PRKN: variants seen among roughly 807,000 people sequenced by gnomAD.
The protein encoded by PRKN is E3 ubiquitin-protein ligase parkin.
In PRKN, 56 loss-of-function variants were observed where a neutral mutation model predicts 59.5. The observed-to-expected ratio is 0.94, with a 90% CI of 0.76 to 1.18. The LOEUF is 1.18. Among genes scored for constraint, PRKN ranks in the 50% most tolerant of loss-of-function variants. The probability of loss-of-function intolerance (pLI) is 0.00; values close to 1 mark genes in which losing one functional copy is unlikely to be tolerated. For missense variants in PRKN, 657 were observed against 596.4 expected (o/e 1.10, Z -1.06); for synonymous variants, 250 against 222.1 (o/e 1.13, Z -1.12).
intron 6 of PRKN, among the ~76,000 whole-genome samples, chr6:161,825,217 C>T (rs1010628651): frequency 2.0e-5 from 3 of 152,166 alleles, no homozygotes; most frequent in Non-Finnish European, 4.4e-5. Flanking sequence ...AAGGGAATAT[C>T]ACACAGCAAG....
intron 1 of PRKN, chr6:162,568,604 C>T: frequency 1.1e-6 from 1 of 884,644 alleles, no homozygotes; most frequent in African/African-American, 1.7e-5. Context: ...TCAGGACCCT[C>T]AACAACAAGT....
At chr6:162,450,938 A>C (rs1474092096) in intron 1 of PRKN, among the ~76,000 whole-genome samples, 1 of 152,222 alleles carries the variant, frequency 6.6e-6, no homozygotes, top group Non-Finnish European at 1.5e-5. Flanking sequence ...GAAGTTTAAA[A>C]TAGGGAAACT....
intron 6 of PRKN, among the ~76,000 whole-genome samples, chr6:161,876,745 T>C (rs916722643): frequency 4.4e-4 from 67 of 152,308 alleles, no homozygotes; most frequent in African/African-American, 1.5e-3. Context: ...TTATTTTTTC[T>C]ATTCTCCTAT....
In PRKN at chr6:162,454,937, A is replaced by C. The variant is rs555616733; in HGVS notation, c.8-11464T>G. ...CTTTCAGAGTAAGGTAAAGGTTGGC[A>C]TTAGGAACGATGATGTATTTTTTAG... On this transcript the variant is annotated intron_variant, in intron 1 of 11. Transcript: ENST00000366898. Among the ~76,000 whole-genome samples the C allele has an allele frequency of 1.1e-3, 162 of 152,286 alleles. 1 individual carries two copies. Among genetic ancestry groups the C allele is most frequent in the Non-Finnish European group, 1.9e-3 (127 of 68,028 alleles).
intron 1 of PRKN, among the ~76,000 whole-genome samples, chr6:162,601,516 C>G (rs866743947): frequency 5.9e-5 from 9 of 152,086 alleles, no homozygotes; most frequent in Admixed American, 6.6e-5. Context: ...CAAGTACTTC[C>G]GTGGACATAT....
chr6:161,593,122 A>T lies in PRKN; in HGVS notation c.872-23706T>A, dbSNP rs1237755805. 6.6e-6 allele frequency among the ~76,000 whole-genome samples: 1 copy of T among 152,208 alleles called. No individual in the cohort carries two copies. The highest frequency in any genetic ancestry group is 1.9e-4 in the East Asian group (1 of 5,194). On this transcript the variant is annotated intron_variant, in intron 7 of 11. Transcript: ENST00000366898. This position sits in a 1 kb window ranked among gnomAD's most constrained non-coding sequence, Gnocchi z 4.8. Reference sequence around the variant, plus strand: ...CCAGGCCATCTTCCCATAATCCTCTATATTTAAAAGGTGATCTGTCCCCTT... The same window carrying T: ...CCAGGCCATCTTCCCATAATCCTCTTTATTTAAAAGGTGATCTGTCCCCTT...
At chr6:162,641,600 T>G (rs1777960920) in intron 1 of PRKN, among the ~76,000 whole-genome samples, 1 of 152,184 alleles carries the variant, frequency 6.6e-6, no homozygotes, top group South Asian at 2.1e-4. Context: ...GTTTTGTTTT[T>G]GTAAATAATC....
chr6:162,041,785 G>T (rs1784077989), intron 5 of PRKN, among the ~76,000 whole-genome samples: 1 of 152,152 alleles, frequency 6.6e-6, no homozygotes, highest in Admixed American at 6.5e-5. Flanking sequence ...TGTAACAATT[G>T]TGACTTTGTA....
At chr6:162,438,578 C>A (rs779239689) in intron 2 of PRKN, among the ~76,000 whole-genome samples, 3 of 152,060 alleles carry the variant, frequency 2.0e-5, no homozygotes, top group Non-Finnish European at 2.9e-5. Flanking sequence ...GTTGGCAGTT[C>A]TTTTCTTTCA....
chr6:162,646,902 C>T (rs1778206862), intron 1 of PRKN, among the ~76,000 whole-genome samples: 1 of 152,170 alleles, frequency 6.6e-6, no homozygotes, highest in African/African-American at 2.4e-5. Flanking sequence ...CACAGGACCA[C>T]TGTCACATAT....
At chr6:162,263,881 C>T (rs1251762668) in intron 2 of PRKN, among the ~76,000 whole-genome samples, 2 of 150,354 alleles carry the variant, frequency 1.3e-5, no homozygotes, top group Admixed American at 1.3e-4. Flanking sequence ...TTGAACGCCA[C>T]CCCCACCCCC....
At chr6:161,787,671 G>T (rs983103073) in intron 6 of PRKN, among the ~76,000 whole-genome samples, 1 of 152,224 alleles carries the variant, frequency 6.6e-6, no homozygotes. Flanking sequence ...TAGAGGCCAG[G>T]CGTGGTGGCT....
intron 9 of PRKN, among the ~76,000 whole-genome samples, chr6:161,436,543 G>C (rs1426577921): frequency 6.6e-6 from 1 of 151,900 alleles, no homozygotes; most frequent in African/African-American, 2.4e-5. Context: ...TTAATGATTT[G>C]TAATGTCCTG....
rs1010379697 is a variant in PRKN, at chr6:161,423,252, T to G, written c.1084-36375A>C. Among the ~76,000 whole-genome samples, 8 of 152,134 alleles carry G rather than the reference T, an allele frequency of 5.3e-5. No individual in the cohort carries two copies. Among genetic ancestry groups the G allele is most frequent in the Admixed American group, 2.6e-4 (4 of 15,272 alleles). ...TGAATAGGGAGGCACTCACGTTAAT[T>G]TTTCTCAACTAGTATCTGAAGGGTT... is the stretch of plus-strand genomic sequence containing the variant. On this transcript the variant is annotated intron_variant, in intron 9 of 11. Coordinates refer to ENST00000366898, the MANE Select transcript of PRKN (RefSeq NM_004562.3). The surrounding 1 kb of genome is among the most constrained non-coding windows in gnomAD (Gnocchi z 5.9).
chr6:162,199,300 A>C (rs2128329572), intron 4 of PRKN, among the ~76,000 whole-genome samples: 1 of 152,306 alleles, frequency 6.6e-6, no homozygotes, highest in South Asian at 2.1e-4. Flanking sequence ...CACACTCATA[A>C]GTTCCTCTTT....
Position 161,985,949 on chromosome 6 carries a change from T to C in PRKN, c.619-12532A>G, listed in dbSNP as rs563846226. Among the ~76,000 whole-genome samples the C allele has an allele frequency of 1.4e-4, 21 of 152,322 alleles. No homozygotes were observed. The East Asian group carries it at 3.7e-3, about 27-fold the overall frequency. ...AGCCCTAGATGTCTTTCGGCCTCAG[T>C]GTATCTATCTTCAACCCTGGAGGCC... On this transcript the variant is annotated intron_variant, in intron 5 of 11. Transcript: ENST00000366898.
chr6:161,970,192 C>A (rs1780746993), intron 6 of PRKN, among the ~76,000 whole-genome samples: 1 of 151,954 alleles, frequency 6.6e-6, no homozygotes, highest in African/African-American at 2.4e-5. Flanking sequence ...CAGGTGCATG[C>A]CATCATGCCT....
Position 161,897,984 on chromosome 6 carries a change from A to AAAAAAAT in PRKN, c.734+75317_734+75318insATTTTTT, listed in dbSNP as rs1554244227. 4.8e-4 allele frequency among the ~76,000 whole-genome samples: 56 copies of AAAAAAAT among 117,640 alleles called. 8 individuals carry two copies. The highest frequency in any genetic ancestry group is 1.7e-3 in the African/African-American group (40 of 24,006). The allele number at this position is 117,640 out of a possible 152,430, so 77.2% of individuals were successfully genotyped here. On this transcript the variant is annotated intron_variant, in intron 6 of 11. Coordinates refer to ENST00000366898, the MANE Select transcript of PRKN (RefSeq NM_004562.3). ...TCCGTCTCAAAAAAAAAAAAAAAAA[A>AAAAAAAT]GTCTCCCAGTTGCATAGAAAAGGTT...
At chr6:161,608,406 T>C (rs193025217) in intron 7 of PRKN, among the ~76,000 whole-genome samples, 19 of 152,160 alleles carry the variant, frequency 1.2e-4, no homozygotes, top group Admixed American at 1.2e-3. Flanking sequence ...TGTGTGTGGA[T>C]GTGTGTGTGT....
Sources: gnomAD v4.1 joint callset for allele counts (sites outside exome capture counted in the v4.1 genomes callset) on GRCh38, gnomAD v4.1.1 for gene constraint, Gnocchi (gnomAD v3.1) non-coding constraint, MANE v1.5 for transcripts, NCBI Gene and HGNC (gene_info 2026-07-23, HGNC 2026-07-21) for gene names.